The following P3H2 variants were observed in gnomAD, a reference collection of about 807,000 sequenced individuals.
P3H2 encodes leprecan-like 1.
In P3H2, 80 loss-of-function variants were observed where a neutral mutation model predicts 87.0. That is an observed-to-expected ratio of 0.92 (90% CI 0.77 to 1.11). The LOEUF is 1.11. Ranked by LOEUF, P3H2 falls within the 50% of genes least tolerant of loss-of-function variation. The pLI is 0.00. For missense variants in P3H2, 1,001 were observed against 923.9 expected (o/e 1.08, Z -1.08); for synonymous variants, 367 against 359.3 (o/e 1.02, Z -0.24).
At chr3:190,090,946 T>C (rs931477352) in intron 1 of P3H2, among the ~76,000 whole-genome samples, 19 of 152,192 alleles carry the variant, frequency 1.2e-4, no homozygotes, top group African/African-American at 2.9e-4. Context: ...AATACTATCA[T>C]AGCCTTCTCA....
chr3:189,982,957 G>C, intron 8 of P3H2, 89 bp downstream of exon 8: 1 of 929,780 alleles, frequency 1.1e-6, no homozygotes, highest in East Asian at 2.4e-5. Context: ...TCTAGAGAAA[G>C]TGGGTTCTTC....
intron 1 of P3H2, among the ~76,000 whole-genome samples, chr3:190,004,655 T>C (rs1352900437): frequency 6.6e-6 from 1 of 152,164 alleles, no homozygotes; most frequent in Non-Finnish European, 1.5e-5. Flanking sequence ...GTGCTGGGAT[T>C]ACAGGTGTGA....
chr3:190,066,756 T>C (rs1311281976), intron 1 of P3H2, among the ~76,000 whole-genome samples: 8 of 152,152 alleles, frequency 5.3e-5, no homozygotes, highest in East Asian at 1.9e-4. Flanking sequence ...TTTCTTACTA[T>C]GTCATTCGTC....
At chr3:189,963,178 C>T (rs1183130973) in intron 14 of P3H2, among the ~76,000 whole-genome samples, 1 of 152,182 alleles carries the variant, frequency 6.6e-6, no homozygotes, top group Non-Finnish European at 1.5e-5. Context: ...CAGGTGGAGA[C>T]TATGACATCT....
chr3:190,099,219 A>C (rs1306839768), intron 1 of P3H2, among the ~76,000 whole-genome samples: 1 of 152,238 alleles, frequency 6.6e-6, no homozygotes, highest in Non-Finnish European at 1.5e-5. Context: ...CTCAACATGA[A>C]CAACAAATTA....
In P3H2 at chr3:189,971,884, C is replaced by T. The variant is rs773292642; in HGVS notation, c.1817+6G>A. 2 of 1,528,878 alleles carry T rather than the reference C, an allele frequency of 1.3e-6. No individual in the cohort carries two copies. Among genetic ancestry groups the T allele is most frequent in the Non-Finnish European group, 1.8e-6 (2 of 1,102,220 alleles). 94.7% of individuals were successfully genotyped at this position (1,528,878 alleles called of 1,614,324 possible). On this transcript the variant is annotated splice_donor_region_variant and intron_variant, in intron 12 of 14. Coordinates refer to ENST00000319332, the MANE Select transcript of P3H2 (RefSeq NM_018192.4). ...AGCTTTGTTTTGAAGCAGGTTCTAGCTATACCTATAGTCTCGAAATGTGTA... is the reference window on the plus strand; with the variant it reads ...AGCTTTGTTTTGAAGCAGGTTCTAGTTATACCTATAGTCTCGAAATGTGTA...
rs146803017 is a variant in P3H2 at position 190,087,880 on chromosome 3, T to C, written c.480+32372A>G. 1.1e-3 allele frequency among the ~76,000 whole-genome samples: 162 copies of C among 152,314 alleles called. No individual in the cohort carries two copies. In the East Asian group the frequency reaches 0.025, roughly 24 times the overall value. ...CATCTGTGTTTTCACAGCTAAATGA[T>C]CTCAAAGATGCCTTATTATATATCA... On this transcript the variant is annotated intron_variant, in intron 1 of 14. Coordinates refer to ENST00000319332, the MANE Select transcript of P3H2 (RefSeq NM_018192.4).
intron 1 of P3H2, among the ~76,000 whole-genome samples, chr3:190,119,240 A>AGAGCG (rs1229252365): frequency 4.6e-5 from 7 of 150,810 alleles, no homozygotes; most frequent in Non-Finnish European, 7.4e-5. Context: ...ACAGCAGAGC[A>AGAGCG]GAGCAGAGCA....
At chr3:190,026,883 GT>G (rs201122004) in intron 1 of P3H2, among the ~76,000 whole-genome samples, 2,380 of 152,262 alleles carry the variant, frequency 0.016, 33 homozygotes, top group Non-Finnish European at 0.024. Flanking sequence ...TGCGAAGTGT[GT>G]AGTATTTATC....
At chr3:189,982,438 C>G (rs1053427721) in intron 8 of P3H2, among the ~76,000 whole-genome samples, 1 of 152,142 alleles carries the variant, frequency 6.6e-6, no homozygotes, top group Non-Finnish European at 1.5e-5. Flanking sequence ...TTTTTGGCAA[C>G]ACTCCACCTG....
At chr3:189,968,960 T>G (rs1723086014) in intron 13 of P3H2, 1 of 172,468 alleles carries the variant, frequency 5.8e-6, no homozygotes. Context: ...GTTTTTCTTG[T>G]AAATTTGTTA....
chr3:190,071,463 T>C (rs1448274891), intron 1 of P3H2, among the ~76,000 whole-genome samples: 2 of 152,202 alleles, frequency 1.3e-5, no homozygotes, highest in African/African-American at 4.8e-5. Flanking sequence ...CATTAATCAC[T>C]AAGCAAATAT....
At chr3:189,981,503 T>G (rs1242256772) in intron 8 of P3H2, among the ~76,000 whole-genome samples, 2 of 152,148 alleles carry the variant, frequency 1.3e-5, no homozygotes, top group Non-Finnish European at 2.9e-5. Flanking sequence ...ATTTTTTTTT[T>G]CCTTCAGACC....
At chr3:190,117,661 T>TC (rs1712344676) in intron 1 of P3H2, among the ~76,000 whole-genome samples, 3 of 145,080 alleles carry the variant, frequency 2.1e-5, no homozygotes, top group Admixed American at 2.0e-4. Flanking sequence ...TTTTTTTTTT[T>TC]CAGTCTCAAA....
intron 1 of P3H2, among the ~76,000 whole-genome samples, chr3:190,036,947 T>A (rs1036936603): frequency 2.0e-5 from 3 of 151,458 alleles, no homozygotes; most frequent in Non-Finnish European, 2.9e-5. Context: ...AAGATAAAAA[T>A]ATATATATAT....
At chr3:190,037,902 C>T (rs1431008384) in intron 1 of P3H2, among the ~76,000 whole-genome samples, 2 of 73,030 alleles carry the variant, frequency 2.7e-5, no homozygotes, top group Non-Finnish European at 5.3e-5. Flanking sequence ...TAAGCCATCA[C>T]CAACATTTAT....
In P3H2 at chr3:190,033,273, G is replaced by A. The variant is rs185873984; in HGVS notation, c.481-37831C>T. ...TCCTAATGGGCCACAGACTTGTACG[G>A]GTCCGTGACCTGGGGGTTGTGGACT... On this transcript the variant is annotated intron_variant, in intron 1 of 14. Transcript: ENST00000319332. 3.8e-3 allele frequency among the ~76,000 whole-genome samples: 572 copies of A among 152,252 alleles called. 4 individuals are homozygous for A. Among genetic ancestry groups the A allele is most frequent in the African/African-American group, 0.013 (542 of 41,554 alleles).
At chr3:190,062,927 G>A (rs560523945) in intron 1 of P3H2, among the ~76,000 whole-genome samples, 1 of 152,104 alleles carries the variant, frequency 6.6e-6, no homozygotes, top group Non-Finnish European at 1.5e-5. Context: ...GAGCAAGAAT[G>A]TGGAGCAGGC....
chr3:189,998,013 G>A (rs1724101684), intron 1 of P3H2, among the ~76,000 whole-genome samples: 2 of 152,162 alleles, frequency 1.3e-5, no homozygotes, highest in African/African-American at 4.8e-5. Context: ...ATTTACTGTG[G>A]AGGATTTTGG....
Sources: gnomAD v4.1 joint callset for allele counts (sites outside exome capture counted in the v4.1 genomes callset) on GRCh38, gnomAD v4.1.1 for gene constraint, MANE v1.5 for transcripts, NCBI Gene and HGNC (gene_info 2026-07-23, HGNC 2026-07-21) for gene names.